Variants in EXPH5 observed in about 807,000 individuals in gnomAD.
EXPH5 encodes exophilin 5.
EXPH5 carries 42 observed loss-of-function variants against 41.1 expected under a neutral mutation model. The observed-to-expected ratio is 1.02, with a 90% CI of 0.80 to 1.32. The LOEUF (loss-of-function observed/expected upper bound fraction) is 1.32, where lower values mean the gene tolerates loss of function less well. Ranked by LOEUF, EXPH5 falls within the 40% of genes most tolerant of loss-of-function variation. The pLI is 0.00. For missense variants in EXPH5, 2,298 were observed against 2,314.5 expected (o/e 0.99, Z 0.15); for synonymous variants, 798 against 833.5 (o/e 0.96, Z 0.73).
In EXPH5 at chr11:108,511,379, TA is replaced by T. The variant is rs1360143829; in HGVS notation, c.4127del (p.Leu1376GlnfsTer23). ...IFSDNLAKTP[L>X]GDSENKKERG... is the part of the protein sequence containing the mutation. Reference sequence around the variant, plus strand: ...TTTCCTTCTTGTTTTCTGAATCACCTAGAGGTGTTTTAGCTAAATTATCTGA... The same window carrying T: ...TTTCCTTCTTGTTTTCTGAATCACCTGAGGTGTTTTAGCTAAATTATCTGA... On this transcript the variant is annotated frameshift_variant, in exon 6 of 6. Coordinates refer to ENST00000265843, the MANE Select transcript of EXPH5 (RefSeq NM_015065.3). LOFTEE classifies it low-confidence loss of function (END_TRUNC). The T allele has an allele frequency of 5.0e-6, 8 of 1,592,374 alleles. No individual in the cohort carries two copies. The highest frequency in any genetic ancestry group is 1.4e-5 in the African/African-American group (1 of 73,710).
chr11:108,571,560 C>T (rs868087413), intron 1 of EXPH5, among the ~76,000 whole-genome samples: 14 of 152,070 alleles, frequency 9.2e-5, no homozygotes, highest in Admixed American at 2.0e-4. Flanking sequence ...ACTTAGAGGA[C>T]GACTTTGGGC....
At chr11:108,560,037 C>A (rs1281069633) in intron 1 of EXPH5, among the ~76,000 whole-genome samples, 1 of 152,168 alleles carries the variant, frequency 6.6e-6, no homozygotes, top group Non-Finnish European at 1.5e-5. Context: ...CCTACCCACA[C>A]ACACTAGTCA....
chr11:108,512,424 C>CG lies in EXPH5; in HGVS notation c.3082_3083insC (p.Ser1028ThrfsTer12). On this transcript the variant is annotated frameshift_variant, in exon 6 of 6. Transcript: ENST00000265843. LOFTEE classifies it low-confidence loss of function (END_TRUNC). ...TGACTGCCTGCCATGTATGAGAAAA[C>CG]TGCTTGATTTTCTTGGCAAGGTACA... The CG allele has an allele frequency of 3.7e-6, 6 of 1,611,616 alleles. No individual in the cohort carries two copies. The highest frequency in any genetic ancestry group is 1.3e-5 in the African/African-American group (1 of 74,906).
intron 1 of EXPH5, among the ~76,000 whole-genome samples, chr11:108,564,044 C>T (rs1051949935): frequency 2.0e-5 from 3 of 152,086 alleles, no homozygotes; most frequent in Non-Finnish European, 4.4e-5. Flanking sequence ...CTTTGGGAGG[C>T]TGAGGCGGAC....
chr11:108,587,774 C>T (rs1449404395), intron 1 of EXPH5, among the ~76,000 whole-genome samples: 3 of 152,124 alleles, frequency 2.0e-5, no homozygotes, highest in Non-Finnish European at 4.4e-5. Context: ...TATTTCAAGA[C>T]AGAGTTTTGC....
intron 1 of EXPH5, among the ~76,000 whole-genome samples, chr11:108,568,447 G>A (rs2094044969): frequency 6.6e-6 from 1 of 152,062 alleles, no homozygotes; most frequent in South Asian, 2.1e-4. Flanking sequence ...AGGCCATCTG[G>A]AGCCGAGGAA....
chr11:108,582,202 G>C (rs2094100485), intron 1 of EXPH5, among the ~76,000 whole-genome samples: 1 of 152,204 alleles, frequency 6.6e-6, no homozygotes, highest in South Asian at 2.1e-4. Flanking sequence ...GGTGGCTCAT[G>C]GCTGTAATCC....
intron 1 of EXPH5, among the ~76,000 whole-genome samples, chr11:108,544,714 T>C (rs2093929534): frequency 6.6e-6 from 1 of 152,148 alleles, no homozygotes; most frequent in Non-Finnish European, 1.5e-5. Context: ...ACAATAATTA[T>C]GTAGACAACA....
intron 1 of EXPH5, among the ~76,000 whole-genome samples, chr11:108,583,358 T>A (rs1296987217): frequency 2.0e-5 from 3 of 149,472 alleles, no homozygotes; most frequent in Non-Finnish European, 4.4e-5. Context: ...GGCGATAGAG[T>A]GAGATTCTGT....
At chr11:108,563,009 T>A (rs2094019494) in intron 1 of EXPH5, among the ~76,000 whole-genome samples, 1 of 151,870 alleles carries the variant, frequency 6.6e-6, no homozygotes, top group Admixed American at 6.6e-5. Flanking sequence ...TCAGGAGAAC[T>A]TGCTTTGTGG....
intron 4 of EXPH5, among the ~76,000 whole-genome samples, chr11:108,524,281 A>G (rs1372128488): frequency 6.6e-6 from 1 of 152,252 alleles, no homozygotes; most frequent in Non-Finnish European, 1.5e-5. Flanking sequence ...AACAGCAACA[A>G]TAACAATACC....
At chr11:108,529,309 G>C (rs930683014) in intron 3 of EXPH5, among the ~76,000 whole-genome samples, 2 of 152,062 alleles carry the variant, frequency 1.3e-5, no homozygotes, top group Admixed American at 6.5e-5. Flanking sequence ...TAAGGCCTAG[G>C]CCCAGAATTG....
intron 1 of EXPH5, among the ~76,000 whole-genome samples, chr11:108,564,653 G>A (rs768370600): frequency 1.6e-4 from 25 of 152,090 alleles, no homozygotes; most frequent in Admixed American, 3.3e-4. Flanking sequence ...GAATTGCCAG[G>A]CCAAAGGATG....
At chr11:108,516,311 T>G (rs957989345) in intron 5 of EXPH5, among the ~76,000 whole-genome samples, 2 of 152,286 alleles carry the variant, frequency 1.3e-5, no homozygotes, top group African/African-American at 4.8e-5. Context: ...CCAGGGCTCA[T>G]GCTCTCTAGG....
intron 1 of EXPH5, among the ~76,000 whole-genome samples, chr11:108,575,268 G>C (rs370775776): frequency 6.6e-6 from 1 of 152,310 alleles, no homozygotes; most frequent in African/African-American, 2.4e-5. Flanking sequence ...GGATAGAAAG[G>C]ATTCGTTAAA....
intron 1 of EXPH5, among the ~76,000 whole-genome samples, chr11:108,554,766 A>G (rs190555402): frequency 6.0e-4 from 92 of 152,294 alleles, no homozygotes; most frequent in African/African-American, 2.1e-3. Context: ...TACTAAAGAT[A>G]CAAAAAAATT....
At chr11:108,564,976 GC>G (rs1031333662) in intron 1 of EXPH5, among the ~76,000 whole-genome samples, 1 of 142,446 alleles carries the variant, frequency 7.0e-6, no homozygotes, top group African/African-American at 2.6e-5. Flanking sequence ...TGAGATCTCA[GC>G]TCACTGCAAC....
At chr11:108,548,315 A>T (rs996032114) in intron 1 of EXPH5, among the ~76,000 whole-genome samples, 4 of 151,774 alleles carry the variant, frequency 2.6e-5, no homozygotes, top group Non-Finnish European at 5.9e-5. Context: ...TACAAACCTG[A>T]CTCTGGCTAA....
Position 108,508,852 on chromosome 11 carries a change from A to C in EXPH5, c.*685T>G, listed in dbSNP as rs1234242566. ...TGGCTTACTAGGGATTCAGGTCCTA[A>C]TCTATAACCTCAACATGTGCTTTGA... On this transcript the variant is annotated 3_prime_UTR_variant, in exon 6 of 6. Transcript: ENST00000265843. 5.9e-5 allele frequency: 9 copies of C among 152,222 alleles called. No individual in the cohort carries two copies. In the East Asian group the frequency reaches 1.7e-3, roughly 29 times the overall value. 9.4% of individuals were successfully genotyped at this position (152,222 alleles called of 1,614,324 possible). A position where few individuals can be genotyped will look rare whatever the true frequency, so the allele number is the denominator to read the frequency against.
Sources: allele counts gnomAD v4.1 joint callset (sites outside exome capture counted in the v4.1 genomes callset), GRCh38; gene constraint gnomAD v4.1.1; transcripts MANE v1.5; gene names NCBI Gene and HGNC (gene_info 2026-07-23, HGNC 2026-07-21).